The following ERG variants were observed in gnomAD, a reference collection of about 807,000 sequenced individuals.
ERG encodes ETS transcription factor ERG.
ERG carries 9 observed loss-of-function variants against 55.3 expected under a neutral mutation model. That is an observed-to-expected ratio of 0.16 (90% CI 0.10 to 0.28). ERG has a LOEUF of 0.28. Ranked by LOEUF, ERG falls within the 10% of genes least tolerant of loss-of-function variation. The probability of loss-of-function intolerance (pLI) is 1.00; values close to 1 mark genes in which losing one functional copy is unlikely to be tolerated. For synonymous variants in ERG, 223 were observed against 237.3 expected, an observed-to-expected ratio of 0.94 and a Z score of 0.55; for missense variants, 434 against 631.6, an observed-to-expected ratio of 0.69 and a Z score of 3.35.
chr21:38,585,296 T>C (rs1367691017), upstream of ERG, among the ~76,000 whole-genome samples: 1 of 152,206 alleles, frequency 6.6e-6, no homozygotes. Flanking sequence ...CTGTTAGCAC[T>C]TTCTGCTGCT....
At chr21:38,581,875 C>G (rs1279829798) in intron 1 of ERG, among the ~76,000 whole-genome samples, 2 of 151,976 alleles carry the variant, frequency 1.3e-5, no homozygotes, top group African/African-American at 2.4e-5. Flanking sequence ...AACCCCATCT[C>G]TACTGAAAAT....
intron 1 of ERG, among the ~76,000 whole-genome samples, chr21:38,592,210 C>T (rs927131957): frequency 1.3e-5 from 2 of 152,214 alleles, no homozygotes; most frequent in African/African-American, 2.4e-5. Flanking sequence ...GCAAGGAACC[C>T]AGGGGAGTCC....
chr21:38,656,815 T>C (rs1366172895), intron 1 of ERG, among the ~76,000 whole-genome samples: 1 of 152,174 alleles, frequency 6.6e-6, no homozygotes, highest in African/African-American at 2.4e-5. Flanking sequence ...CAAGTGAAAA[T>C]AAGGGTTTCC....
chr21:38,472,815 G>A (rs111489031), intron 1 of ERG, among the ~76,000 whole-genome samples: 87 of 152,328 alleles, frequency 5.7e-4, no homozygotes, highest in Non-Finnish European at 8.7e-4. Flanking sequence ...CAATTCGTGC[G>A]CTTGGAGCTC....
intron 2 of ERG, among the ~76,000 whole-genome samples, chr21:38,535,476 C>A (rs1898226543): frequency 6.6e-6 from 1 of 152,164 alleles, no homozygotes; most frequent in African/African-American, 2.4e-5. Flanking sequence ...TTTTATAGCA[C>A]CTATCACTTA....
Position 38,471,563 on chromosome 21 carries a change from T to C in ERG, c.19-25942A>G, listed in dbSNP as rs115790493. The C allele has an allele frequency of 2.0e-5, 3 of 152,228 alleles. No individual in the cohort carries two copies. In the South Asian group the frequency reaches 6.2e-4, roughly 32 times the overall value. The allele number at this position is 152,228 out of a possible 1,614,324, so 9.4% of individuals were successfully genotyped here. ...CCGTCTCTACTTTCCCAAGAAACCC[T>C]GCCACACATTCATAGTGAATATCAA... On this transcript the variant is annotated intron_variant, in intron 1 of 9. Transcript: ENST00000288319.
At chr21:38,629,151 G>A (rs2060342477) in intron 1 of ERG, among the ~76,000 whole-genome samples, 1 of 152,182 alleles carries the variant, frequency 6.6e-6, no homozygotes. Flanking sequence ...TCCCCTGTGG[G>A]AGGCAGTGAG....
At chr21:38,580,155 C>T (rs569978215) in intron 1 of ERG, among the ~76,000 whole-genome samples, 2 of 152,008 alleles carry the variant, frequency 1.3e-5, no homozygotes, top group South Asian at 4.2e-4. Flanking sequence ...GGGGTTTCAC[C>T]GTGTCGGCCA....
At chr21:38,636,071 A>C (rs2060386406) in intron 1 of ERG, among the ~76,000 whole-genome samples, 1 of 151,960 alleles carries the variant, frequency 6.6e-6, no homozygotes, top group African/African-American at 2.4e-5. Context: ...GCTGTTCTCA[A>C]GATAGTGAGT....
intron 3 of ERG, among the ~76,000 whole-genome samples, chr21:38,422,168 A>G (rs1400536080): frequency 6.6e-6 from 1 of 152,270 alleles, no homozygotes; most frequent in Non-Finnish European, 1.5e-5. Context: ...CCCTGAGGCC[A>G]TGACATTGGC....
chr21:38,602,814 T>C (rs1351194579), intron 1 of ERG, among the ~76,000 whole-genome samples: 2 of 151,944 alleles, frequency 1.3e-5, no homozygotes, highest in Non-Finnish European at 2.9e-5. Context: ...AGGAAACACA[T>C]GAGCCTTTTA....
At chr21:38,392,194 G>A in intron 7 of ERG, 182 bp downstream of exon 7, 1 of 697,034 alleles carries the variant, frequency 1.4e-6, no homozygotes. Flanking sequence ...TGAAAGTCCT[G>A]ATGACCCAAA....
chr21:38,614,046 T>C (rs1456269888), intron 1 of ERG, among the ~76,000 whole-genome samples: 3 of 151,398 alleles, frequency 2.0e-5, no homozygotes, highest in Non-Finnish European at 4.4e-5. Flanking sequence ...CGTTGAACAG[T>C]GGGGGAAGCC....
intron 1 of ERG, among the ~76,000 whole-genome samples, chr21:38,604,684 A>G (rs1388823565): frequency 1.3e-5 from 2 of 152,250 alleles, no homozygotes; most frequent in Non-Finnish European, 2.9e-5. Context: ...TAATGTGTAC[A>G]TTGTTAGTAT....
At chr21:38,525,097 CAGAA>C in intron 2 of ERG, among the ~76,000 whole-genome samples, 1 of 152,118 alleles carries the variant, frequency 6.6e-6, no homozygotes, top group East Asian at 1.9e-4. Context: ...TTTGTGACTA[CAGAA>C]AGAGACAAGA....
At chr21:38,443,325 T>A (rs367720579) in intron 2 of ERG, among the ~76,000 whole-genome samples, 31 of 152,296 alleles carry the variant, frequency 2.0e-4, no homozygotes, top group African/African-American at 6.7e-4. Flanking sequence ...TCTGAGATGT[T>A]TCCTTCCTCT....
intron 9 of ERG, among the ~76,000 whole-genome samples, chr21:38,389,372 G>A (rs1158439176): frequency 6.6e-6 from 1 of 151,998 alleles, no homozygotes; most frequent in African/African-American, 2.4e-5. Flanking sequence ...GACATTCTAT[G>A]GGGGGCATTC....
chr21:38,640,408 A>T (rs947273293), intron 1 of ERG, among the ~76,000 whole-genome samples: 1 of 152,138 alleles, frequency 6.6e-6, no homozygotes, highest in Non-Finnish European at 1.5e-5. Context: ...ATAATGTCTG[A>T]TATGGTTTGC....
At chr21:38,634,349 C>T (rs1408923636) in intron 1 of ERG, among the ~76,000 whole-genome samples, 2 of 151,996 alleles carry the variant, frequency 1.3e-5, no homozygotes, top group Non-Finnish European at 2.9e-5. Context: ...TATTTGAGGT[C>T]GATATGAGAA....
Sources: gnomAD v4.1 joint callset for allele counts (sites outside exome capture counted in the v4.1 genomes callset) on GRCh38, gnomAD v4.1.1 for gene constraint, MANE v1.5 for transcripts, NCBI Gene and HGNC (gene_info 2026-07-23, HGNC 2026-07-21) for gene names.